The following GPR39 variants were observed in gnomAD, a reference collection of about 807,000 sequenced individuals.
The protein encoded by GPR39 is zinc sensing receptor.
Under a neutral mutation model 18.4 loss-of-function variants are expected in GPR39, and 23 were observed. That is an observed-to-expected ratio of 1.25 (90% CI 0.90 to 1.77). The LOEUF is 1.77. Among genes scored for constraint, GPR39 ranks in the 40% most tolerant of loss-of-function variants. GPR39 has a pLI of 0.00. For synonymous variants in GPR39, 280 were observed against 257.9 expected, an observed-to-expected ratio of 1.09 and a Z score of -0.82; for missense variants, 647 against 602.4, an observed-to-expected ratio of 1.07 and a Z score of -0.78.
chr2:132,595,241 G>A (rs1680916816), intron 1 of GPR39, among the ~76,000 whole-genome samples: 2 of 152,002 alleles, frequency 1.3e-5, no homozygotes, highest in Non-Finnish European at 2.9e-5. Flanking sequence ...CTCATGATCT[G>A]CCCACCTGCC....
chr2:132,563,901 C>A (rs534391638), intron 1 of GPR39, among the ~76,000 whole-genome samples: 6 of 152,170 alleles, frequency 3.9e-5, no homozygotes, highest in Admixed American at 2.6e-4. Flanking sequence ...TGGGTCCCCC[C>A]ACCCCAACCA....
chr2:132,624,896 A>G lies in GPR39; in HGVS notation c.857-20205A>G, dbSNP rs116502107. 3.9e-3 allele frequency among the ~76,000 whole-genome samples: 600 copies of G among 152,276 alleles called. 3 individuals are homozygous for G. Among genetic ancestry groups the G allele is most frequent in the African/African-American group, 0.014 (572 of 41,556 alleles). On this transcript the variant is annotated intron_variant, in intron 1 of 1. Transcript: ENST00000329321. ...AATATAGACCTGAAGATCCTAGTGC[A>G]TGTCTTTAGGTGGACATATTTTACC...
intron 1 of GPR39, among the ~76,000 whole-genome samples, chr2:132,546,901 G>A (rs565560544): frequency 1.4e-5 from 2 of 145,070 alleles, no homozygotes; most frequent in Non-Finnish European, 3.0e-5. Context: ...GAAGGGGAGG[G>A]AAGGAGGAAA....
intron 1 of GPR39, among the ~76,000 whole-genome samples, chr2:132,572,314 C>G (rs56955767): frequency 0.05 from 7,656 of 152,138 alleles, 604 homozygotes; most frequent in African/African-American, 0.17. Context: ...TTTCTTTCAG[C>G]CCCCTAGTAA....
intron 1 of GPR39, among the ~76,000 whole-genome samples, chr2:132,430,630 C>T (rs1316431481): frequency 6.6e-6 from 1 of 152,170 alleles, no homozygotes; most frequent in African/African-American, 2.4e-5. Flanking sequence ...TTTGTTGCCA[C>T]TCCATCCAGG....
intron 1 of GPR39, among the ~76,000 whole-genome samples, chr2:132,446,406 G>T (rs978968065): frequency 6.6e-6 from 1 of 152,208 alleles, no homozygotes; most frequent in Admixed American, 6.5e-5. Flanking sequence ...TCTTAAAACA[G>T]TGTTAGGGCC....
intron 1 of GPR39, among the ~76,000 whole-genome samples, chr2:132,605,829 G>T (rs1681127134): frequency 6.6e-6 from 1 of 152,156 alleles, no homozygotes; most frequent in South Asian, 2.1e-4. Context: ...GAGGCCAAAG[G>T]GAGACCATTC....
chr2:132,636,680 G>T lies in GPR39; in HGVS notation c.857-8421G>T, dbSNP rs184892317. Among the ~76,000 whole-genome samples, 5 of 152,352 alleles carry T rather than the reference G, an allele frequency of 3.3e-5. No individual in the cohort carries two copies. The East Asian group carries it at 9.6e-4, about 29-fold the overall frequency. ...CTAGCTCATCAGTAGACTAAACTCTGAGGTCTTTTCAGTGCCAGCATTCTA... is the reference window on the plus strand; with the variant it reads ...CTAGCTCATCAGTAGACTAAACTCTTAGGTCTTTTCAGTGCCAGCATTCTA... On this transcript the variant is annotated intron_variant, in intron 1 of 1. Transcript: ENST00000329321.
At chr2:132,602,689 GC>G (rs1681063113) in intron 1 of GPR39, among the ~76,000 whole-genome samples, 1 of 151,386 alleles carries the variant, frequency 6.6e-6, no homozygotes, top group Non-Finnish European at 1.5e-5. Flanking sequence ...TAACTCAAAA[GC>G]AAAAAACTGA....
intron 1 of GPR39, among the ~76,000 whole-genome samples, chr2:132,579,156 T>A (rs1038467446): frequency 1.3e-5 from 2 of 149,788 alleles, no homozygotes; most frequent in Non-Finnish European, 3.0e-5. Context: ...ATTTTGATCT[T>A]TTTTTTTTTC....
At chr2:132,598,993 A>G (rs1159935425) in intron 1 of GPR39, among the ~76,000 whole-genome samples, 5 of 152,122 alleles carry the variant, frequency 3.3e-5, no homozygotes, top group Admixed American at 3.3e-4. Context: ...AACAAAAACC[A>G]TCAAGGTTAG....
At chr2:132,456,964 G>A (rs139019549) in intron 1 of GPR39, among the ~76,000 whole-genome samples, 1,893 of 152,200 alleles carry the variant, frequency 0.012, 36 homozygotes, top group African/African-American at 0.043. Flanking sequence ...GTCTTGGGGT[G>A]GCTCTCCTCG....
chr2:132,492,773 T>C (rs1681514297), intron 1 of GPR39, among the ~76,000 whole-genome samples: 1 of 38,990 alleles, frequency 2.6e-5, no homozygotes. Context: ...ATACATTCCA[T>C]ATATATACCA....
At chr2:132,544,832 G>T (rs1679914600) in intron 1 of GPR39, among the ~76,000 whole-genome samples, 2 of 152,184 alleles carry the variant, frequency 1.3e-5, no homozygotes, top group Non-Finnish European at 2.9e-5. Context: ...CCGTGTGGCT[G>T]GGTCCAGGGC....
intron 1 of GPR39, among the ~76,000 whole-genome samples, chr2:132,528,106 A>G (rs1227441254): frequency 6.6e-6 from 1 of 152,162 alleles, no homozygotes; most frequent in Admixed American, 6.5e-5. Flanking sequence ...TAATTTTTGT[A>G]TAAGATTTAA....
intron 1 of GPR39, among the ~76,000 whole-genome samples, chr2:132,552,915 TATAC>T (rs1373945531): frequency 1.3e-5 from 1 of 74,302 alleles, no homozygotes. Context: ...CACACATATA[TATAC>T]ACACACACAC....
intron 1 of GPR39, among the ~76,000 whole-genome samples, chr2:132,490,427 T>C (rs1037748056): frequency 6.6e-5 from 10 of 151,632 alleles, no homozygotes; most frequent in Admixed American, 4.6e-4. Context: ...ACCGAGGAGG[T>C]TTATTCGATA....
intron 1 of GPR39, among the ~76,000 whole-genome samples, chr2:132,471,002 C>A (rs972483550): frequency 1.3e-5 from 2 of 152,296 alleles, no homozygotes; most frequent in East Asian, 3.9e-4. Flanking sequence ...CACTTTCTAT[C>A]CACTGACCCT....
chr2:132,534,574 G>A (rs1486400013), intron 1 of GPR39, among the ~76,000 whole-genome samples: 1 of 150,322 alleles, frequency 6.7e-6, no homozygotes, highest in East Asian at 2.0e-4. Flanking sequence ...CAATAGCAAA[G>A]ACTTGGAACC....
Sources: gnomAD v4.1 joint callset for allele counts (sites outside exome capture counted in the v4.1 genomes callset) on GRCh38, gnomAD v4.1.1 for gene constraint, MANE v1.5 for transcripts, NCBI Gene and HGNC (gene_info 2026-07-23, HGNC 2026-07-21) for gene names.